The following ARHGAP21 variants were observed in gnomAD, a reference collection of about 807,000 sequenced individuals.
The protein encoded by ARHGAP21 is rho GTPase-activating protein 21.
In ARHGAP21, 38 loss-of-function variants were observed where a neutral mutation model predicts 164.6. The observed-to-expected ratio is 0.23, with a 90% CI of 0.18 to 0.30. The LOEUF (loss-of-function observed/expected upper bound fraction) is 0.30. ARHGAP21 is among the 10% of genes least tolerant of loss of function. ARHGAP21 has a pLI of 1.00. For synonymous variants in ARHGAP21, 766 were observed against 857.9 expected (o/e 0.89, Z 1.87); for missense variants, 1,822 against 2,370.7 (o/e 0.77, Z 4.81).
chr10:24,600,132 C>CAAAA (rs56180973), intron 14 of ARHGAP21, among the ~76,000 whole-genome samples: 2,854 of 94,770 alleles, frequency 0.03, 176 homozygotes, highest in African/African-American at 0.1. Context: ...GACTTCGTTT[C>CAAAA]AAAAAAAAAA....
intron 4 of ARHGAP21, among the ~76,000 whole-genome samples, chr10:24,637,424 T>C (rs1836493142): frequency 1.3e-5 from 2 of 152,220 alleles, no homozygotes; most frequent in Admixed American, 6.5e-5. Flanking sequence ...GTAAGTCTTG[T>C]TGCATCAAGT....
intron 14 of ARHGAP21, among the ~76,000 whole-genome samples, chr10:24,599,996 G>A (rs1050651760): frequency 3.3e-5 from 5 of 152,076 alleles, no homozygotes; most frequent in Middle Eastern, 3.2e-3. Context: ...AGCCGGGCAT[G>A]GTGACGGCTG....
At chr10:24,605,657 C>CA (rs1450361907) in intron 11 of ARHGAP21, 2 of 152,030 alleles carry the variant, frequency 1.3e-5, no homozygotes, top group African/African-American at 4.8e-5. Flanking sequence ...ACAAAAAAGA[C>CA]AAATAGTTCT....
intron 2 of ARHGAP21, among the ~76,000 whole-genome samples, chr10:24,675,129 T>G (rs907444498): frequency 6.6e-6 from 1 of 152,216 alleles, no homozygotes; most frequent in Non-Finnish European, 1.5e-5. Context: ...TAAATGTGCA[T>G]AGCAACTTTA....
At position 24,601,990 on chromosome 10, in the gene ARHGAP21, G is replaced by C; in HGVS notation, c.2835C>G (p.Thr945=). The C allele has an allele frequency of 1.2e-6, 2 of 1,610,906 alleles. No individual in the cohort carries two copies. Among genetic ancestry groups the C allele is most frequent in the Non-Finnish European group, 1.7e-6 (2 of 1,179,438 alleles). The change falls in exon 13 of 26, where the codon ACC becomes ACG. Residue 945 remains threonine (T), a synonymous_variant. Transcript: ENST00000396432. ...EGWLHFRPLV[T]DKGKRVGGSI... is the part of the protein sequence containing the mutation. ...GAAAACACACTACCTTGCCCTTATCGGTGACAAGGGGTCGGAAATGAAGCC... is the reference window on the plus strand; with the variant it reads ...GAAAACACACTACCTTGCCCTTATCCGTGACAAGGGGTCGGAAATGAAGCC...
At position 24,600,733 on chromosome 10, in the gene ARHGAP21, G is replaced by A; in HGVS notation, c.3045C>T (p.Asp1015=). The change falls in exon 14 of 26, where the codon GAC becomes GAT. Residue 1015 remains aspartate (D), a synonymous_variant. Transcript: ENST00000396432. The stretch of plus-strand genomic sequence containing the variant: ...CTTCAGCCTGAAACAGGCATTCACA[G>A]TCGGACGTGGTGAGTCGAAACACAT... ...RKNVFRLTTS[D]CECLFQAEDR... 6.2e-7 allele frequency: 1 copy of A among 1,613,978 alleles called. No individual in the cohort carries two copies. The highest frequency in any genetic ancestry group is 8.5e-7 in the Non-Finnish European group (1 of 1,179,880).
intron 8 of ARHGAP21, among the ~76,000 whole-genome samples, chr10:24,621,873 TAAG>T (rs958043899): frequency 5.6e-4 from 85 of 152,300 alleles, no homozygotes; most frequent in African/African-American, 2.0e-3. Context: ...ACAGAGTCCC[TAAG>T]AATAATCCAT....
intron 2 of ARHGAP21, among the ~76,000 whole-genome samples, chr10:24,718,284 T>G (rs1228664393): frequency 6.6e-6 from 1 of 152,148 alleles, no homozygotes; most frequent in Non-Finnish European, 1.5e-5. Flanking sequence ...TGAAATCTGA[T>G]GAGTTTGCAA....
intron 7 of ARHGAP21, among the ~76,000 whole-genome samples, chr10:24,625,299 G>GAAAAAAAAAAAAAAAAAAAA (rs34935501): frequency 4.3e-4 from 23 of 53,576 alleles, no homozygotes; most frequent in Admixed American, 4.7e-4. Flanking sequence ...ATGAAACAGA[G>GAAAAAAAAAAAAAAAAAAAA]AAAAAAAAAA....
intron 2 of ARHGAP21, among the ~76,000 whole-genome samples, chr10:24,675,918 C>T (rs780168309): frequency 3.9e-5 from 6 of 152,286 alleles, no homozygotes; most frequent in Non-Finnish European, 8.8e-5. Flanking sequence ...GAGGCTGAGG[C>T]AGGCAGATCA....
At chr10:24,657,118 TG>T (rs1254356464) in intron 4 of ARHGAP21, among the ~76,000 whole-genome samples, 86 of 16,252 alleles carry the variant, frequency 5.3e-3, no homozygotes, top group Non-Finnish European at 7.2e-3. Flanking sequence ...GGGAGGGAGG[TG>T]GGGGGGGTCA....
intron 2 of ARHGAP21, among the ~76,000 whole-genome samples, chr10:24,718,437 G>A (rs1225689231): frequency 1.3e-5 from 2 of 152,252 alleles, no homozygotes; most frequent in Middle Eastern, 3.4e-3. Flanking sequence ...CCCAGGGAGT[G>A]AGAAAGAGAA....
At chr10:24,652,114 T>C (rs1186605418) in intron 4 of ARHGAP21, among the ~76,000 whole-genome samples, 1 of 152,108 alleles carries the variant, frequency 6.6e-6, no homozygotes, top group Non-Finnish European at 1.5e-5. Flanking sequence ...CCTATAAAAA[T>C]ACAGATCTAT....
intron 2 of ARHGAP21, among the ~76,000 whole-genome samples, chr10:24,695,792 C>G (rs1179116141): frequency 6.6e-6 from 1 of 152,026 alleles, no homozygotes; most frequent in Admixed American, 6.5e-5. Context: ...AGAACTGAGG[C>G]CCTCAATCCA....
At chr10:24,591,784 A>T (rs2076342401) in intron 22 of ARHGAP21, 101 bp from the exon 23 acceptor site, 2 of 1,599,808 alleles carry the variant, frequency 1.3e-6, no homozygotes, top group Middle Eastern at 2.1e-4. Context: ...TTAGGGAAAG[A>T]TATTACAACC....
chr10:24,685,639 G>T (rs941771757), intron 2 of ARHGAP21, among the ~76,000 whole-genome samples: 1 of 152,144 alleles, frequency 6.6e-6, no homozygotes, highest in Non-Finnish European at 1.5e-5. Context: ...ACTTTGGGAG[G>T]CCGAGGTGGG....
At chr10:24,647,351 G>A (rs1483611024) in intron 4 of ARHGAP21, among the ~76,000 whole-genome samples, 1 of 152,140 alleles carries the variant, frequency 6.6e-6, no homozygotes, top group Admixed American at 6.5e-5. Flanking sequence ...AAGTTGTTAT[G>A]TAAATCCAAG....
Position 24,591,220 on chromosome 10 carries a change from G to A in ARHGAP21, c.4150+5C>T. ...AGAGGTCAAGACTGCCCAGGCAAGA[G>A]TTACCTGATACATCTCCTGGGGAGA... On this transcript the variant is annotated splice_donor_5th_base_variant and intron_variant, in intron 24 of 25. Coordinates refer to ENST00000396432, the MANE Select transcript of ARHGAP21 (RefSeq NM_020824.4). 1 of 1,607,034 alleles carries A rather than the reference G, an allele frequency of 6.2e-7. No homozygotes were observed. The highest frequency in any genetic ancestry group is 8.5e-7 in the Non-Finnish European group (1 of 1,175,602).
chr10:24,629,802 T>C (rs767730274), intron 7 of ARHGAP21, 194 bp downstream of exon 7: 22 of 646,004 alleles, frequency 3.4e-5, no homozygotes, highest in African/African-American at 5.4e-5. Context: ...AACATTTCCA[T>C]GTCACTTAAT....
Sources: allele counts gnomAD v4.1 joint callset (sites outside exome capture counted in the v4.1 genomes callset), GRCh38; gene constraint gnomAD v4.1.1; transcripts MANE v1.5; gene names NCBI Gene and HGNC (gene_info 2026-07-23, HGNC 2026-07-21).